Variants in SLC2A1 observed in about 807,000 individuals in gnomAD.
The protein encoded by SLC2A1 is solute carrier family 2 member 1.
Under a neutral mutation model 46.6 loss-of-function variants are expected in SLC2A1, and 4 were observed. The observed-to-expected ratio is 0.09, with a 90% CI of 0.04 to 0.20. The LOEUF (loss-of-function observed/expected upper bound fraction) is 0.20, where lower values mean the gene tolerates loss of function less well. SLC2A1 is among the 10% of genes least tolerant of loss of function. The pLI, the probability that SLC2A1 is intolerant of heterozygous loss-of-function variation, is 1.00. For missense variants in SLC2A1, 352 were observed against 667.0 expected (o/e 0.53, Z 5.20); for synonymous variants, 253 against 270.0 (o/e 0.94, Z 0.62).
chr1:42,946,853 G>A (rs1409215303), intron 1 of SLC2A1, among the ~76,000 whole-genome samples: 1 of 152,192 alleles, frequency 6.6e-6, no homozygotes, highest in East Asian at 1.9e-4. Flanking sequence ...TGCTGGGCTT[G>A]GAAGCAGACC....
At chr1:42,949,067 CAAAAAA>C (rs370563756) in intron 1 of SLC2A1, among the ~76,000 whole-genome samples, 1 of 107,076 alleles carries the variant, frequency 9.3e-6, no homozygotes, top group East Asian at 2.5e-4. Context: ...GACTCTGTCT[CAAAAAA>C]AAAAAAAAAA....
intron 1 of SLC2A1, among the ~76,000 whole-genome samples, chr1:42,945,922 C>T (rs2124464881): frequency 6.6e-6 from 1 of 152,072 alleles, no homozygotes; most frequent in South Asian, 2.1e-4. Flanking sequence ...TTTTACAAGC[C>T]CTGTGATTTC....
At chr1:42,942,422 T>C (rs1384515454) in intron 2 of SLC2A1, among the ~76,000 whole-genome samples, 2 of 151,746 alleles carry the variant, frequency 1.3e-5, no homozygotes, top group African/African-American at 4.9e-5. Flanking sequence ...CTACCCCCTT[T>C]TCCTCTTCTC....
chr1:42,942,177 C>A (rs1391292227), intron 2 of SLC2A1, among the ~76,000 whole-genome samples: 1 of 152,202 alleles, frequency 6.6e-6, no homozygotes, highest in East Asian at 1.9e-4. Context: ...GATTTTTAAA[C>A]GGGCAAGGCA....
intron 1 of SLC2A1, 110 bp downstream of exon 1, chr1:42,958,523 GC>G (rs1643806037): frequency 2.3e-6 from 2 of 851,698 alleles, no homozygotes; most frequent in Non-Finnish European, 3.1e-6. Flanking sequence ...CGCGCGGCCC[GC>G]CCCGGGCGCA....
Position 42,930,690 on chromosome 1 carries a change from G to T in SLC2A1, c.452C>A (p.Ala151Asp), listed in dbSNP as rs1351005021. ...CAGGGTGCCCAGGGCCCCACGAAGG[G>T]CTGTGGGTGACACTTCACCCACATA... ...PMYVGEVSPT[A>D]LRGALGTLHQ... Residue 151 changes from alanine to aspartate, a missense_variant, in exon 4 of 10, where the codon GCC (alanine) becomes GAC (aspartate). Physicochemically the swap from Ala to Asp is moderately radical, Grantham distance 126. Coordinates refer to ENST00000426263, the MANE Select transcript of SLC2A1 (RefSeq NM_006516.4). The surrounding 1 kb of genome is among the most constrained non-coding windows in gnomAD (Gnocchi z 6.2). 6.2e-7 allele frequency: 1 copy of T among 1,613,428 alleles called. No individual in the cohort carries two copies. Among genetic ancestry groups the T allele is most frequent in the African/African-American group, 1.3e-5 (1 of 75,030 alleles).
At position 42,929,815 on chromosome 1, in the gene SLC2A1, G is replaced by T; in HGVS notation, c.680-35C>A. ...CCGGAGGGAAGGTGAGGGTGGCTCA[G>T]AGTGGGAAGAAGGCCAGGGCTCAGG... On this transcript the variant is annotated intron_variant, in intron 5 of 9. Coordinates refer to ENST00000426263, the MANE Select transcript of SLC2A1 (RefSeq NM_006516.4). This position sits in a 1 kb window ranked among gnomAD's most constrained non-coding sequence, Gnocchi z 6.0. 3 of 1,614,188 alleles carry T rather than the reference G, an allele frequency of 1.9e-6. No individual in the cohort carries two copies. The highest frequency in any genetic ancestry group is 2.5e-6 in the Non-Finnish European group (3 of 1,180,000).
At position 42,927,569 on chromosome 1, in the gene SLC2A1, C is replaced by T. The variant is rs756153738; in HGVS notation, c.1278+36G>A. The T allele has an allele frequency of 2.2e-5, 16 of 717,630 alleles. No individual in the cohort carries two copies. In the Admixed American group the frequency reaches 2.5e-4, roughly 11 times the overall value. 44.5% of individuals were successfully genotyped at this position (717,630 alleles called of 1,614,324 possible). On this transcript the variant is annotated intron_variant, in intron 9 of 9. Transcript: ENST00000426263. The surrounding 1 kb of genome is among the most constrained non-coding windows in gnomAD (Gnocchi z 5.3). ...CTTTGCACAGCACTGTGGGGTCATG[C>T]GTGCGGGTGAGTATAGAGACAGTGG... is the stretch of plus-strand genomic sequence containing the variant.
chr1:42,943,142 A>C, intron 2 of SLC2A1, 84 bp downstream of exon 2: 1 of 892,548 alleles, frequency 1.1e-6, no homozygotes, highest in Non-Finnish European at 1.8e-6. Flanking sequence ...ACTCTAATTC[A>C]GGTGGTGGCG....
At chr1:42,942,842 C>T (rs1337241251) in intron 2 of SLC2A1, 10 of 326,752 alleles carry the variant, frequency 3.1e-5, no homozygotes, top group Non-Finnish European at 5.4e-5. Flanking sequence ...CAGTGAGCAT[C>T]AAGTGAGACA....
chr1:42,943,374 C>T (rs1643618155), intron 1 of SLC2A1, 53 bp from the exon 2 acceptor site: 1 of 1,327,216 alleles, frequency 7.5e-7, no homozygotes, highest in Non-Finnish European at 1.1e-6. Flanking sequence ...CAGGTTACTA[C>T]AGGGCAGGGC....
chr1:42,943,202 A>T (rs1643615381), intron 2 of SLC2A1, 24 bp downstream of exon 2: 1 of 1,528,122 alleles, frequency 6.5e-7, no homozygotes, highest in East Asian at 2.3e-5. Flanking sequence ...GGTGTCCATA[A>T]GCCAACGATG....
Position 42,925,906 on chromosome 1 carries a change from G to A in SLC2A1, c.*1135C>T, listed in dbSNP as rs1643420418. 1 of 152,140 alleles carries A rather than the reference G, an allele frequency of 6.6e-6. No individual in the cohort carries two copies. The highest frequency in any genetic ancestry group is 2.4e-5 in the African/African-American group (1 of 41,422). The allele number at this position is 152,140 out of a possible 1,614,324, so 9.4% of individuals were successfully genotyped here. A position where few individuals can be genotyped will look rare whatever the true frequency, so the allele number is the denominator to read the frequency against. ...GCATCACGGCTGGCACAAAACTAGTGTTTTTTTGAACACCAACTATCAAAT... is the reference window on the plus strand; with the variant it reads ...GCATCACGGCTGGCACAAAACTAGTATTTTTTTGAACACCAACTATCAAAT... On this transcript the variant is annotated 3_prime_UTR_variant, in exon 10 of 10. Transcript: ENST00000426263.
At chr1:42,933,127 G>T (rs964000372) in intron 2 of SLC2A1, among the ~76,000 whole-genome samples, 11 of 152,152 alleles carry the variant, frequency 7.2e-5, no homozygotes, top group African/African-American at 1.4e-4. Flanking sequence ...GTGCTGCAGG[G>T]AATCAGTGAA....
intron 2 of SLC2A1, among the ~76,000 whole-genome samples, chr1:42,941,033 C>T (rs1201618934): frequency 2.6e-5 from 4 of 152,190 alleles, no homozygotes; most frequent in Admixed American, 6.5e-5. Context: ...TGCCCTCGCA[C>T]GGAATTGATG....
chr1:42,957,656 CACAA>C (rs1411596179), intron 1 of SLC2A1, among the ~76,000 whole-genome samples: 1 of 152,192 alleles, frequency 6.6e-6, no homozygotes, highest in Non-Finnish European at 1.5e-5. Context: ...GGAGGGGCTC[CACAA>C]ACAATTTGTT....
At chr1:42,949,807 G>A (rs1285307039) in intron 1 of SLC2A1, among the ~76,000 whole-genome samples, 1 of 151,956 alleles carries the variant, frequency 6.6e-6, no homozygotes, top group African/African-American at 2.4e-5. Flanking sequence ...AGGGAAAAGC[G>A]CAGAACCAGG....
At position 42,925,445 on chromosome 1, in the gene SLC2A1, G is replaced by GA. The variant is rs1284969283; in HGVS notation, c.*1595dup. ...CCTGCTGTGCATCAAGCACTGTACTGAATAGTGCTGAGGACCCACAGGAAC... is the reference window on the plus strand; with the variant it reads ...CCTGCTGTGCATCAAGCACTGTACTGAAATAGTGCTGAGGACCCACAGGAAC... On this transcript the variant is annotated 3_prime_UTR_variant, in exon 10 of 10. Coordinates refer to ENST00000426263, the MANE Select transcript of SLC2A1 (RefSeq NM_006516.4). The GA allele has an allele frequency of 6.6e-6, 1 of 152,216 alleles. No individual in the cohort carries two copies. Among genetic ancestry groups the GA allele is most frequent in the Non-Finnish European group, 1.5e-5 (1 of 68,060 alleles). The allele number at this position is 152,216 out of a possible 1,614,324, so 9.4% of individuals were successfully genotyped here.
chr1:42,948,484 T>C (rs1310870453), intron 1 of SLC2A1, among the ~76,000 whole-genome samples: 3 of 152,130 alleles, frequency 2.0e-5, no homozygotes, highest in Non-Finnish European at 4.4e-5. Flanking sequence ...GTTCCCCAGG[T>C]GCAGGGAAGC....
Sources: gnomAD v4.1 joint callset for allele counts (sites outside exome capture counted in the v4.1 genomes callset) on GRCh38, gnomAD v4.1.1 for gene constraint, Gnocchi (gnomAD v3.1) non-coding constraint, MANE v1.5 for transcripts, NCBI Gene and HGNC (gene_info 2026-07-23, HGNC 2026-07-21) for gene names.